Variants in DCC observed in about 807,000 individuals in gnomAD.
DCC encodes the protein netrin receptor DCC.
Under a neutral mutation model 172.5 loss-of-function variants are expected in DCC, and 58 were observed. The ratio of observed to expected loss-of-function variants is 0.34; its 90% CI spans 0.27 to 0.42. The LOEUF (loss-of-function observed/expected upper bound fraction) is 0.42, where lower values mean the gene tolerates loss of function less well. Among genes scored for constraint, DCC ranks in the 10% least tolerant of loss-of-function variants. The pLI, the probability that DCC is intolerant of heterozygous loss-of-function variation, is 1.00. For synonymous variants in DCC, 709 were observed against 644.5 expected (o/e 1.10, Z -1.52); for missense variants, 1,740 against 1,791.0 (o/e 0.97, Z 0.51).
chr18:52,634,709 A>T (rs1193621209), intron 1 of DCC, among the ~76,000 whole-genome samples: 1 of 152,068 alleles, frequency 6.6e-6, no homozygotes, highest in Non-Finnish European at 1.5e-5. Flanking sequence ...GACCCATAAG[A>T]CTTATTTCAT....
intron 2 of DCC, among the ~76,000 whole-genome samples, chr18:52,780,004 T>A (rs1036074422): frequency 1.3e-5 from 2 of 152,200 alleles, no homozygotes. Flanking sequence ...GAAATTGACA[T>A]CTTTACAGTT....
intron 5 of DCC, among the ~76,000 whole-genome samples, chr18:53,007,207 T>C (rs944799551): frequency 4.6e-5 from 7 of 152,212 alleles, no homozygotes; most frequent in African/African-American, 9.6e-5. Context: ...AGCATTGAGG[T>C]TGAATTATAA....
intron 15 of DCC, among the ~76,000 whole-genome samples, chr18:53,369,734 GT>G (rs2058041414): frequency 6.6e-6 from 1 of 151,856 alleles, no homozygotes; most frequent in Admixed American, 6.6e-5. Flanking sequence ...TGACGTGGTG[GT>G]TTTTCTTCAC....
chr18:53,516,885 T>TG (rs1231478952), intron 27 of DCC, among the ~76,000 whole-genome samples: 3 of 143,088 alleles, frequency 2.1e-5, no homozygotes, highest in African/African-American at 8.7e-5. Context: ...TGGAAGTCAG[T>TG]GTGGCGATTC....
At chr18:53,431,642 G>C (rs1389676396) in intron 21 of DCC, among the ~76,000 whole-genome samples, 1 of 151,886 alleles carries the variant, frequency 6.6e-6, no homozygotes, top group African/African-American at 2.4e-5. Flanking sequence ...GCGCCACCGT[G>C]CTCTGCTAAT....
chr18:53,104,920 A>C (rs2043223093), intron 7 of DCC, among the ~76,000 whole-genome samples: 1 of 152,052 alleles, frequency 6.6e-6, no homozygotes, highest in African/African-American at 2.4e-5. Context: ...TTCACCCTTA[A>C]CACAAAATGA....
chr18:52,805,183 T>TG (rs2038063807), intron 2 of DCC, among the ~76,000 whole-genome samples: 1 of 152,184 alleles, frequency 6.6e-6, no homozygotes, highest in Admixed American at 6.5e-5. Flanking sequence ...AGAGACTCAA[T>TG]GTATAATCTC....
chr18:53,240,544 A>G (rs1373308802), intron 12 of DCC, among the ~76,000 whole-genome samples: 2 of 152,208 alleles, frequency 1.3e-5, no homozygotes, highest in Non-Finnish European at 2.9e-5. Context: ...TCTTCAAGGC[A>G]TAAAAGGTCT....
chr18:53,375,616 C>CCTT (rs1555660825), intron 15 of DCC, among the ~76,000 whole-genome samples: 2,529 of 122,996 alleles, frequency 0.021, 146 homozygotes, highest in Admixed American at 0.11. Flanking sequence ...ATATTTAATT[C>CCTT]TTTTTTTTTT....
intron 1 of DCC, among the ~76,000 whole-genome samples, chr18:52,538,292 T>A (rs1467865753): frequency 2.0e-5 from 3 of 152,176 alleles, no homozygotes; most frequent in Non-Finnish European, 1.5e-5. Context: ...TTCCAAAAAA[T>A]TATTTCTATC....
intron 7 of DCC, among the ~76,000 whole-genome samples, chr18:53,105,905 T>A (rs1428856294): frequency 1.3e-5 from 2 of 151,374 alleles, no homozygotes; most frequent in Non-Finnish European, 3.0e-5. Flanking sequence ...TATTTGTGAG[T>A]GATGCCTGAG....
intron 12 of DCC, among the ~76,000 whole-genome samples, chr18:53,296,541 G>T (rs2057070202): frequency 6.6e-6 from 1 of 152,124 alleles, no homozygotes; most frequent in Non-Finnish European, 1.5e-5. Flanking sequence ...AACTGAGATG[G>T]GTGTGAGCAG....
At chr18:53,517,253 A>T (rs1281090231) in intron 27 of DCC, among the ~76,000 whole-genome samples, 1 of 146,874 alleles carries the variant, frequency 6.8e-6, no homozygotes, top group African/African-American at 2.5e-5. Context: ...AACAATGAGA[A>T]CCCATGGACA....
chr18:52,589,826 A>G (rs955318192), intron 1 of DCC, among the ~76,000 whole-genome samples: 1 of 152,192 alleles, frequency 6.6e-6, no homozygotes, highest in South Asian at 2.1e-4. Context: ...GCACAATTAT[A>G]TTGCTGGTAG....
chr18:53,495,604 T>G (rs1352774944), intron 26 of DCC, among the ~76,000 whole-genome samples: 1 of 152,090 alleles, frequency 6.6e-6, no homozygotes, highest in Non-Finnish European at 1.5e-5. Flanking sequence ...TTATGTGCCT[T>G]GGGGTAGCTG....
intron 11 of DCC, among the ~76,000 whole-genome samples, chr18:53,213,468 T>G (rs2055789686): frequency 6.6e-6 from 1 of 151,724 alleles, no homozygotes; most frequent in Admixed American, 6.6e-5. Flanking sequence ...ACCAACATGG[T>G]GAAACCCCGT....
intron 2 of DCC, among the ~76,000 whole-genome samples, chr18:52,844,153 T>C (rs1457945506): frequency 6.6e-6 from 1 of 152,146 alleles, no homozygotes; most frequent in East Asian, 1.9e-4. Flanking sequence ...ATACATAGAA[T>C]ATTGCTTGGA....
chr18:52,883,916 T>C (rs533905032), intron 2 of DCC, among the ~76,000 whole-genome samples: 1 of 151,604 alleles, frequency 6.6e-6, no homozygotes, highest in African/African-American at 2.4e-5. Flanking sequence ...CTAAGTTTTG[T>C]GTATCTAGGA....
chr18:52,657,271 C>T (rs2035273730), intron 1 of DCC, among the ~76,000 whole-genome samples: 1 of 152,172 alleles, frequency 6.6e-6, no homozygotes, highest in Non-Finnish European at 1.5e-5. Flanking sequence ...CAATTGGCTG[C>T]ATCTCTTCCC....
Sources: allele counts gnomAD v4.1 joint callset (sites outside exome capture counted in the v4.1 genomes callset), GRCh38; gene constraint gnomAD v4.1.1; transcripts MANE v1.5; gene names NCBI Gene and HGNC (gene_info 2026-07-23, HGNC 2026-07-21).